The following LANCL3 variants were observed in gnomAD, a reference collection of about 807,000 sequenced individuals.
The protein encoded by LANCL3 is lanC-like protein 3.
Under a neutral mutation model 26.5 loss-of-function variants are expected in LANCL3, and 19 were observed. That is an observed-to-expected ratio of 0.72 (90% CI 0.50 to 1.05). The LOEUF is 1.05. Among genes scored for constraint, LANCL3 ranks in the 50% least tolerant of loss-of-function variants. LANCL3 has a pLI of 0.00. For missense variants in LANCL3, 318 were observed against 362.7 expected, an observed-to-expected ratio of 0.88 and a Z score of 1.00; for synonymous variants, 160 against 166.6, an observed-to-expected ratio of 0.96 and a Z score of 0.30.
chrX:37,596,854 C>T (rs1259744599), intron 1 of LANCL3, among the ~76,000 whole-genome samples: 4 of 111,797 alleles, frequency 3.6e-5, no homozygotes, highest in African/African-American at 6.5e-5. Context: ...ACAATTCACC[C>T]GTTTAAAATA....
At chrX:37,612,150 C>A (rs1924893085) in intron 1 of LANCL3, among the ~76,000 whole-genome samples, 1 of 111,128 alleles carries the variant, frequency 9.0e-6, no homozygotes, top group African/African-American at 3.3e-5. Context: ...CCATGTTGGG[C>A]AGGCTGGTCT....
Position 37,677,817 on chromosome X carries a change from G to T in LANCL3, c.*2004G>T, listed in dbSNP as rs782543128. The T allele has an allele frequency of 8.9e-6, 1 of 112,181 alleles. No homozygotes were observed. The highest frequency in any genetic ancestry group is 2.8e-4 in the East Asian group (1 of 3,602). The allele number at this position is 112,181 out of a possible 1,213,427, so 9.2% of individuals were successfully genotyped here. On this transcript the variant is annotated 3_prime_UTR_variant, in exon 5 of 5. Transcript: ENST00000378619. Reference sequence around the variant, plus strand: ...TCAAACCCAGGGTTTCACTTTCTAAGTTTATTTATTCAGTATTCTAGACTA... The same window carrying T: ...TCAAACCCAGGGTTTCACTTTCTAATTTTATTTATTCAGTATTCTAGACTA...
intron 1 of LANCL3, among the ~76,000 whole-genome samples, chrX:37,652,562 A>G (rs1261594327): frequency 8.9e-6 from 1 of 112,835 alleles, no homozygotes. Context: ...AAAAGAATCT[A>G]TTCCATCCAA....
chrX:37,603,836 A>G (rs1303040372), intron 1 of LANCL3, among the ~76,000 whole-genome samples: 1 of 112,676 alleles, frequency 8.9e-6, no homozygotes, highest in African/African-American at 3.2e-5. Flanking sequence ...AGGCATGAGC[A>G]CATTCAGGTT....
At chrX:37,664,711 T>C (rs1280197923) in intron 3 of LANCL3, among the ~76,000 whole-genome samples, 1 of 111,123 alleles carries the variant, frequency 9.0e-6, no homozygotes, top group Non-Finnish European at 1.9e-5. Flanking sequence ...ACCCTTACCC[T>C]CTTCCTACCC....
chrX:37,642,103 C>T (rs782460610), intron 1 of LANCL3, among the ~76,000 whole-genome samples: 6 of 111,906 alleles, frequency 5.4e-5, no homozygotes, highest in Non-Finnish European at 9.4e-5. Context: ...TAGCACTTAA[C>T]GAGAAAAATC....
intron 1 of LANCL3, among the ~76,000 whole-genome samples, chrX:37,592,237 A>T (rs1312541462): frequency 5.3e-5 from 6 of 112,446 alleles, no homozygotes; most frequent in African/African-American, 9.7e-5. Context: ...CCACAGATAC[A>T]GACATTTGGA....
Position 37,681,744 on chromosome X carries a change from C to T in LANCL3, c.*5931C>T, listed in dbSNP as rs1602141299. 8.9e-6 allele frequency: 1 copy of T among 111,812 alleles called. No individual in the cohort carries two copies. The highest frequency in any genetic ancestry group is 1.9e-5 in the Non-Finnish European group (1 of 53,184). 9.2% of individuals were successfully genotyped at this position (111,812 alleles called of 1,213,427 possible). ...ATCCTAGAAATTGCCACAAGTGTCTCTCCATAAGAAAAACTTTGTGTTTTC... is the reference window on the plus strand; with the variant it reads ...ATCCTAGAAATTGCCACAAGTGTCTTTCCATAAGAAAAACTTTGTGTTTTC... On this transcript the variant is annotated 3_prime_UTR_variant, in exon 5 of 5. Coordinates refer to ENST00000378619, the MANE Select transcript of LANCL3 (RefSeq NM_001170331.2).
At chrX:37,649,374 T>C (rs1272012904) in intron 1 of LANCL3, among the ~76,000 whole-genome samples, 2 of 110,978 alleles carry the variant, frequency 1.8e-5, no homozygotes, top group Non-Finnish European at 1.9e-5. Context: ...AAACACTGCA[T>C]GTTCTCACTC....
intron 1 of LANCL3, among the ~76,000 whole-genome samples, chrX:37,582,245 G>A (rs782321494): frequency 1.6e-3 from 180 of 111,853 alleles, no homozygotes; most frequent in African/African-American, 5.6e-3. Context: ...ATAAACATAC[G>A]TGTGCATGTG....
intron 1 of LANCL3, among the ~76,000 whole-genome samples, chrX:37,583,986 C>T (rs1276191930): frequency 1.8e-5 from 2 of 111,513 alleles, no homozygotes; most frequent in East Asian, 2.8e-4. Context: ...TTTTGAGATA[C>T]GTCCCATCAA....
At position 37,591,541 on chromosome X, in the gene LANCL3, A is replaced by G. The variant is rs782776585; in HGVS notation, c.573+19098A>G. Among the ~76,000 whole-genome samples, 152 of 111,406 alleles carry G rather than the reference A, an allele frequency of 1.4e-3. 1 individual carries two copies. The highest frequency in any genetic ancestry group is 4.7e-3 in the Middle Eastern group (1 of 213). ...TTAATATGGAATTGTTGATTAAGGA[A>G]GTGTTCCAAGGAGAAACCAGTATAA... On this transcript the variant is annotated intron_variant, in intron 1 of 4. Coordinates refer to ENST00000378619, the MANE Select transcript of LANCL3 (RefSeq NM_001170331.2).
intron 1 of LANCL3, among the ~76,000 whole-genome samples, chrX:37,650,583 T>C (rs1490182829): frequency 1.9e-5 from 2 of 106,445 alleles, no homozygotes; most frequent in African/African-American, 6.9e-5. Flanking sequence ...GGGTATTGTA[T>C]GGAAAATTGG....
chrX:37,633,287 G>A (rs976247017), intron 1 of LANCL3, among the ~76,000 whole-genome samples: 56 of 110,739 alleles, frequency 5.1e-4, no homozygotes, highest in African/African-American at 1.7e-3. Flanking sequence ...CTTAGTTCTC[G>A]AGCCTTGGCT....
intron 4 of LANCL3, among the ~76,000 whole-genome samples, chrX:37,669,769 A>C (rs1556435400): frequency 9.0e-6 from 1 of 111,506 alleles, no homozygotes; most frequent in African/African-American, 3.3e-5. Flanking sequence ...ACAACTATTA[A>C]TTTTTTGTAT....
chrX:37,595,141 G>A (rs1451739132), intron 1 of LANCL3, among the ~76,000 whole-genome samples: 2 of 111,374 alleles, frequency 1.8e-5, no homozygotes, highest in Non-Finnish European at 3.8e-5. Flanking sequence ...TGTTTCCTAG[G>A]GAGCCTTCAG....
At chrX:37,611,711 G>A (rs113400990) in intron 1 of LANCL3, among the ~76,000 whole-genome samples, 2,769 of 111,451 alleles carry the variant, frequency 0.025, 71 homozygotes, top group African/African-American at 0.086. Flanking sequence ...GAGCATAGGC[G>A]TTGGAGCCAG....
Position 37,659,558 on chromosome X carries a change from A to T in LANCL3, c.794A>T (p.Asp265Val). 8.3e-7 allele frequency: 1 copy of T among 1,209,842 alleles called. No homozygotes were observed. The highest frequency in any genetic ancestry group is 1.1e-6 in the Non-Finnish European group (1 of 894,243). The part of the protein sequence containing the change: ...SDRELVWQSV[D>V]FLMEQEQNCN... ...CGGGAATTGGTATGGCAGAGCGTGG[A>T]CTTTCTCATGGAACAGGAACAAAAC... The change falls in exon 3 of 5, where the codon GAC (aspartate) becomes GTC (valine). Residue 265 changes from aspartate to valine, a missense_variant. By Grantham distance (152) the Asp-to-Val change is radical (BLOSUM62 -3). Transcript: ENST00000378619.
chrX:37,617,702 T>C (rs1556421846), intron 1 of LANCL3, among the ~76,000 whole-genome samples: 1 of 111,124 alleles, frequency 9.0e-6, no homozygotes, highest in East Asian at 2.8e-4. Flanking sequence ...TGCGTTTCAG[T>C]GGGAAAGCTT....
Sources: allele counts gnomAD v4.1 joint callset (sites outside exome capture counted in the v4.1 genomes callset), GRCh38; gene constraint gnomAD v4.1.1; transcripts MANE v1.5; gene names NCBI Gene and HGNC (gene_info 2026-07-23, HGNC 2026-07-21).